ANXA13: variants seen among roughly 807,000 people sequenced by gnomAD.
ANXA13 encodes annexin A13.
Under a neutral mutation model 46.6 loss-of-function variants are expected in ANXA13, and 36 were observed. The observed-to-expected ratio is 0.77, with a 90% CI of 0.59 to 1.02. The LOEUF is 1.02. Ranked by LOEUF, ANXA13 falls within the 50% of genes least tolerant of loss-of-function variation. ANXA13 has a pLI of 0.00. For synonymous variants in ANXA13, 163 were observed against 152.9 expected (o/e 1.07, Z -0.49); for missense variants, 417 against 396.5 (o/e 1.05, Z -0.44).
At chr8:123,695,906 GCC>G (rs369319261) in intron 4 of ANXA13, among the ~76,000 whole-genome samples, 185 bp from the exon 5 acceptor site, 9 of 91,150 alleles carry the variant, frequency 9.9e-5, no homozygotes, top group Non-Finnish European at 1.4e-4. Context: ...GTGACGGCCC[GCC>G]CCCCCCCCAC....
chr8:123,706,880 A>G (rs911103390), intron 2 of ANXA13, among the ~76,000 whole-genome samples: 4 of 151,974 alleles, frequency 2.6e-5, no homozygotes, highest in Non-Finnish European at 5.9e-5. Flanking sequence ...AACAAACAAC[A>G]CTTTCTTTCT....
intron 1 of ANXA13, among the ~76,000 whole-genome samples, chr8:123,723,970 C>T (rs11993137): frequency 0.039 from 5,866 of 152,256 alleles, 143 homozygotes; most frequent in African/African-American, 0.047. Context: ...CTTTTCTTTG[C>T]GTCCTGGTCT....
intron 2 of ANXA13, among the ~76,000 whole-genome samples, chr8:123,709,211 G>A (rs1049685600): frequency 1.3e-5 from 2 of 152,334 alleles, no homozygotes; most frequent in African/African-American, 2.4e-5. Flanking sequence ...GAGGGCCAAT[G>A]AGGTGCTGGG....
chr8:123,724,666 G>A (rs912716770), intron 1 of ANXA13, among the ~76,000 whole-genome samples: 2 of 152,188 alleles, frequency 1.3e-5, no homozygotes, highest in African/African-American at 2.4e-5. Context: ...TTCCAAATGG[G>A]TGACATGGAA....
intron 2 of ANXA13, chr8:123,711,882 G>A (rs1813666095): frequency 6.6e-6 from 1 of 152,350 alleles, no homozygotes; most frequent in Non-Finnish European, 1.5e-5. Flanking sequence ...CAAAGTATTG[G>A]GATTACAGGC....
chr8:123,736,281 T>A (rs553731934), intron 1 of ANXA13, among the ~76,000 whole-genome samples: 8 of 152,372 alleles, frequency 5.3e-5, no homozygotes, highest in African/African-American at 1.7e-4. Flanking sequence ...AATATATCAT[T>A]CTTGCTGTGG....
rs768985056 is a variant in ANXA13 at position 123,737,380 on chromosome 8, G to A, written c.-46C>T. ...TTTTCTGTATTTCATCAAGAGATCA[G>A]TCCTCCTACAGGCAAAGTTTACAAC... On this transcript the variant is annotated 5_prime_UTR_variant, in exon 1 of 11. Coordinates refer to ENST00000419625, the MANE Select transcript of ANXA13 (RefSeq NM_004306.4). 19 of 1,554,028 alleles carry A rather than the reference G, an allele frequency of 1.2e-5. No homozygotes were observed. Among genetic ancestry groups the A allele is most frequent in the Non-Finnish European group, 1.7e-5 (19 of 1,133,416 alleles).
intron 2 of ANXA13, among the ~76,000 whole-genome samples, chr8:123,706,995 A>G (rs1354616790): frequency 6.6e-6 from 1 of 152,180 alleles, no homozygotes; most frequent in East Asian, 1.9e-4. Flanking sequence ...ACACTCCTGG[A>G]CAGATGAGGC....
At chr8:123,717,703 G>A (rs72713147) in intron 1 of ANXA13, among the ~76,000 whole-genome samples, 1 of 152,350 alleles carries the variant, frequency 6.6e-6, no homozygotes, top group Non-Finnish European at 1.5e-5. Context: ...GCAAGTTAGA[G>A]AACCTCTCTG....
chr8:123,681,764 C>T (rs1813044505), intron 10 of ANXA13, among the ~76,000 whole-genome samples: 1 of 151,800 alleles, frequency 6.6e-6, no homozygotes, highest in Non-Finnish European at 1.5e-5. Context: ...GCTGGGATTA[C>T]AGTCAACCAC....
intron 1 of ANXA13, among the ~76,000 whole-genome samples, chr8:123,724,062 A>C (rs1373075484): frequency 6.6e-6 from 1 of 152,218 alleles, no homozygotes; most frequent in Non-Finnish European, 1.5e-5. Context: ...CTGGATAGAA[A>C]TCTTGAGCTG....
rs1333249736 is a variant in ANXA13 at position 123,690,079 on chromosome 8, C to T, written c.643-1133G>A. ...GATTAGAAGAGTGGGGGAACTGTCC[C>T]TTCCTTAGCTGCCCCCAGTCTTTTT... On this transcript the variant is annotated intron_variant, in intron 8 of 10. Coordinates refer to ENST00000419625, the MANE Select transcript of ANXA13 (RefSeq NM_004306.4). This position sits in a 1 kb window ranked among gnomAD's most constrained non-coding sequence, Gnocchi z 4.6. Among the ~76,000 whole-genome samples the T allele has an allele frequency of 2.0e-5, 3 of 152,100 alleles. No individual in the cohort carries two copies. The East Asian group carries it at 5.8e-4, about 29-fold the overall frequency.
intron 1 of ANXA13, among the ~76,000 whole-genome samples, chr8:123,731,341 C>T (rs1814113907): frequency 6.6e-6 from 1 of 152,258 alleles, no homozygotes; most frequent in East Asian, 1.9e-4. Flanking sequence ...GGGCCTTGCG[C>T]ATGAATTGGT....
chr8:123,692,913 TG>T (rs1232510517), intron 8 of ANXA13, among the ~76,000 whole-genome samples: 2 of 152,176 alleles, frequency 1.3e-5, no homozygotes, highest in African/African-American at 4.8e-5. Context: ...GTACTGCATC[TG>T]GGGCTGGAGG....
intron 1 of ANXA13, among the ~76,000 whole-genome samples, chr8:123,724,744 C>T (rs1295735446): frequency 6.6e-6 from 1 of 152,238 alleles, no homozygotes; most frequent in Non-Finnish European, 1.5e-5. Context: ...TCTCTCCCAA[C>T]TCTTCTGATT....
intron 3 of ANXA13, among the ~76,000 whole-genome samples, chr8:123,700,892 G>A (rs985302892): frequency 2.6e-5 from 4 of 151,816 alleles, no homozygotes; most frequent in African/African-American, 9.7e-5. Flanking sequence ...GTGCAACTAC[G>A]GCTCACTGAG....
At chr8:123,707,242 G>A (rs561224977) in intron 2 of ANXA13, among the ~76,000 whole-genome samples, 2 of 152,188 alleles carry the variant, frequency 1.3e-5, no homozygotes, top group Non-Finnish European at 2.9e-5. Flanking sequence ...ATGTCATCAC[G>A]ACAGAACCTT....
chr8:123,681,748 C>A (rs1470564128), intron 10 of ANXA13, among the ~76,000 whole-genome samples: 2 of 151,696 alleles, frequency 1.3e-5, no homozygotes, highest in African/African-American at 2.4e-5. Context: ...CTCAGCCCCC[C>A]AAGTAGCTGG....
At chr8:123,685,151 T>A (rs1427134653) in intron 9 of ANXA13, among the ~76,000 whole-genome samples, 1 of 152,222 alleles carries the variant, frequency 6.6e-6, no homozygotes, top group African/African-American at 2.4e-5. Flanking sequence ...CCTGCTCTCC[T>A]ATGCTCAACA....
Sources: gnomAD v4.1 joint callset for allele counts (sites outside exome capture counted in the v4.1 genomes callset) on GRCh38, gnomAD v4.1.1 for gene constraint, Gnocchi (gnomAD v3.1) non-coding constraint, MANE v1.5 for transcripts, NCBI Gene and HGNC (gene_info 2026-07-23, HGNC 2026-07-21) for gene names.